The following SLC9A9 variants were observed in gnomAD, a reference collection of about 807,000 sequenced individuals.
The protein encoded by SLC9A9 is solute carrier family 9 member A9.
A neutral mutation model predicts 77.8 loss-of-function variants in SLC9A9; 62 were observed. The ratio of observed to expected loss-of-function variants is 0.80; its 90% CI spans 0.65 to 0.98. The LOEUF (loss-of-function observed/expected upper bound fraction) is 0.98. SLC9A9 is among the 50% of genes least tolerant of loss of function. The probability of loss-of-function intolerance (pLI) is 0.00; values close to 1 mark genes in which losing one functional copy is unlikely to be tolerated. For missense variants in SLC9A9, 775 were observed against 774.9 expected (o/e 1.00, Z 0.00); for synonymous variants, 320 against 283.5 (o/e 1.13, Z -1.29).
chr3:143,710,422 ACAGGC>A (rs1185687063), intron 4 of SLC9A9, among the ~76,000 whole-genome samples: 1 of 152,198 alleles, frequency 6.6e-6, no homozygotes, highest in African/African-American at 2.4e-5. Flanking sequence ...TTCTCCTTCC[ACAGGC>A]CAAGTAACCA....
chr3:143,748,162 G>T (rs1935240266), intron 4 of SLC9A9, among the ~76,000 whole-genome samples: 1 of 152,198 alleles, frequency 6.6e-6, no homozygotes, highest in Non-Finnish European at 1.5e-5. Flanking sequence ...TGTCAAGACA[G>T]ATGTATAGAA....
chr3:143,800,646 C>G (rs2008525985), intron 2 of SLC9A9, among the ~76,000 whole-genome samples: 1 of 152,214 alleles, frequency 6.6e-6, no homozygotes, highest in Non-Finnish European at 1.5e-5. Flanking sequence ...GGCTGTGCTG[C>G]CGCAAGGCTT....
At position 143,846,060 on chromosome 3, in the gene SLC9A9, A is replaced by G. The variant is rs190664787; in HGVS notation, c.175+2088T>C. On this transcript the variant is annotated intron_variant, in intron 1 of 15. Transcript: ENST00000316549. ...ATTATTTCAAGCACAATTTAAAAAT[A>G]TTTCAGAGAGTTTTGCAGGATTAAA... is the stretch of plus-strand genomic sequence containing the variant. Among the ~76,000 whole-genome samples, 21 of 152,368 alleles carry G rather than the reference A, an allele frequency of 1.4e-4. No individual in the cohort carries two copies. The East Asian group carries it at 4.0e-3, about 29-fold the overall frequency.
chr3:143,332,011 CAA>C (rs2031786845), intron 14 of SLC9A9, among the ~76,000 whole-genome samples: 1 of 151,972 alleles, frequency 6.6e-6, no homozygotes, highest in African/African-American at 2.4e-5. Context: ...ACAGCATGAG[CAA>C]AGTCATGGAG....
chr3:143,285,178 C>T (rs1396842821), intron 14 of SLC9A9, among the ~76,000 whole-genome samples: 1 of 152,144 alleles, frequency 6.6e-6, no homozygotes, highest in Non-Finnish European at 1.5e-5. Context: ...TGGTTTGCTG[C>T]TCCCATCAAC....
chr3:143,554,786 G>A (rs566330508), intron 8 of SLC9A9, among the ~76,000 whole-genome samples: 16 of 152,190 alleles, frequency 1.1e-4, no homozygotes, highest in Admixed American at 5.2e-4. Flanking sequence ...TCTGCCAGGG[G>A]CCCTTGCACT....
intron 12 of SLC9A9, among the ~76,000 whole-genome samples, chr3:143,413,686 C>T (rs1455267947): frequency 6.6e-6 from 1 of 152,186 alleles, no homozygotes; most frequent in Non-Finnish European, 1.5e-5. Context: ...TCCTTGTGAG[C>T]CCCTTGAAGT....
chr3:143,563,721 G>A (rs1986300), intron 8 of SLC9A9, among the ~76,000 whole-genome samples: 82,000 of 152,074 alleles, frequency 0.54, 23,761 homozygotes, highest in African/African-American at 0.76. Context: ...ATATAAGCAT[G>A]TGTTACATAA....
intron 14 of SLC9A9, among the ~76,000 whole-genome samples, chr3:143,292,491 T>A (rs956166041): frequency 2.0e-5 from 3 of 152,120 alleles, no homozygotes; most frequent in Non-Finnish European, 4.4e-5. Flanking sequence ...AGCCCATGTT[T>A]TTTTCGCGAT....
intron 1 of SLC9A9, among the ~76,000 whole-genome samples, chr3:143,840,888 G>A (rs546908260): frequency 1.4e-4 from 22 of 152,150 alleles, no homozygotes; most frequent in Non-Finnish European, 2.9e-4. Context: ...TTCCTTATAT[G>A]CAAACTAAAG....
intron 5 of SLC9A9, among the ~76,000 whole-genome samples, chr3:143,659,431 A>G (rs1418366607): frequency 6.6e-6 from 1 of 152,246 alleles, no homozygotes; most frequent in Non-Finnish European, 1.5e-5. Context: ...CTCTTGCTAC[A>G]AAAAGATATG....
intron 4 of SLC9A9, among the ~76,000 whole-genome samples, chr3:143,786,304 CT>C (rs1171923007): frequency 6.6e-6 from 1 of 152,116 alleles, no homozygotes; most frequent in Non-Finnish European, 1.5e-5. Context: ...AGGCATTTTT[CT>C]TTTTTACCAC....
intron 2 of SLC9A9, among the ~76,000 whole-genome samples, chr3:143,797,956 T>G (rs909901607): frequency 2.0e-5 from 3 of 152,188 alleles, no homozygotes; most frequent in Non-Finnish European, 4.4e-5. Context: ...GTGCCATGAC[T>G]CGGATCAGGG....
chr3:143,280,769 T>C (rs917325076), intron 14 of SLC9A9, among the ~76,000 whole-genome samples: 1 of 152,078 alleles, frequency 6.6e-6, no homozygotes, highest in Admixed American at 6.5e-5. Flanking sequence ...GACAGGCTGG[T>C]CTCGAACTCC....
chr3:143,507,443 G>A (rs909766455), intron 9 of SLC9A9, among the ~76,000 whole-genome samples: 3 of 151,972 alleles, frequency 2.0e-5, no homozygotes, highest in Admixed American at 6.6e-5. Flanking sequence ...TCCTGACCTC[G>A]TGATCTGCCT....
chr3:143,378,646 C>T (rs370138455), intron 13 of SLC9A9, among the ~76,000 whole-genome samples: 1 of 152,222 alleles, frequency 6.6e-6, no homozygotes, highest in East Asian at 1.9e-4. Flanking sequence ...CTCTCACCTA[C>T]TCTGAAAAGG....
Position 143,464,306 on chromosome 3 carries a change from G to A in SLC9A9, c.1469+2731C>T, listed in dbSNP as rs140568164. 9.8e-4 allele frequency among the ~76,000 whole-genome samples: 149 copies of A among 152,300 alleles called. 1 individual carries two copies. Among genetic ancestry groups the A allele is most frequent in the African/African-American group, 3.4e-3 (142 of 41,556 alleles). On this transcript the variant is annotated intron_variant, in intron 12 of 15. Transcript: ENST00000316549. ...GCTAAATAGAGTCTAAATGATGGGT[G>A]ACTATGAGTTTAAAGCCATAATGGA...
chr3:143,815,807 A>G (rs1351601674), intron 2 of SLC9A9, among the ~76,000 whole-genome samples: 1 of 152,168 alleles, frequency 6.6e-6, no homozygotes, highest in African/African-American at 2.4e-5. Flanking sequence ...TGGAGGTTAC[A>G]GTGAGCCGGG....
intron 6 of SLC9A9, among the ~76,000 whole-genome samples, chr3:143,638,853 C>A (rs2038573337): frequency 6.6e-6 from 1 of 152,200 alleles, no homozygotes; most frequent in Admixed American, 6.5e-5. Flanking sequence ...CCACATAAAA[C>A]TGGCAATAAG....
Sources: allele counts gnomAD v4.1 joint callset (sites outside exome capture counted in the v4.1 genomes callset), GRCh38; gene constraint gnomAD v4.1.1; transcripts MANE v1.5; gene names NCBI Gene and HGNC (gene_info 2026-07-23, HGNC 2026-07-21).